Variants in ASB18 observed in about 807,000 individuals in gnomAD.
The protein encoded by ASB18 is ankyrin repeat and SOCS box containing 18, also known as ankyrin repeat and SOCS box protein 18.
In ASB18, 33 loss-of-function variants were observed where a neutral mutation model predicts 33.4. The ratio of observed to expected loss-of-function variants is 0.99; its 90% CI spans 0.75 to 1.32. The LOEUF is 1.32. Ranked by LOEUF, ASB18 falls within the 40% of genes most tolerant of loss-of-function variation. The probability of loss-of-function intolerance (pLI) is 0.00; values close to 1 mark genes in which losing one functional copy is unlikely to be tolerated. For missense variants in ASB18, 694 were observed against 655.5 expected, an observed-to-expected ratio of 1.06 and a Z score of -0.64; for synonymous variants, 295 against 307.6, an observed-to-expected ratio of 0.96 and a Z score of 0.43.
intron 4 of ASB18, among the ~76,000 whole-genome samples, chr2:236,212,228 C>G (rs1264083247): frequency 6.6e-6 from 1 of 152,084 alleles, no homozygotes; most frequent in Non-Finnish European, 1.5e-5. Context: ...ACTGACTGAC[C>G]CCATTTCTGT....
Position 236,214,049 on chromosome 2 carries a change from G to A in ASB18, c.1101+313C>T, listed in dbSNP as rs1170229588. ...ATAAGTGCCTGGCGTCCGTCCCCAGGTGACTACTTTGAAAGGATGCATTCT... is the reference window on the plus strand; with the variant it reads ...ATAAGTGCCTGGCGTCCGTCCCCAGATGACTACTTTGAAAGGATGCATTCT... On this transcript the variant is annotated intron_variant, in intron 4 of 5. Coordinates refer to ENST00000409749, the MANE Select transcript of ASB18 (RefSeq NM_212556.4). The surrounding 1 kb of genome is among the most constrained non-coding windows in gnomAD (Gnocchi z 6.5). 1 of 339,394 alleles carries A rather than the reference G, an allele frequency of 2.9e-6. No individual in the cohort carries two copies. The highest frequency in any genetic ancestry group is 5.3e-6 in the Non-Finnish European group (1 of 187,742). The allele number at this position is 339,394 out of a possible 1,614,324, so 21.0% of individuals were successfully genotyped here. A position where few individuals can be genotyped will look rare whatever the true frequency, so the allele number is the denominator to read the frequency against.
chr2:236,229,499 T>C lies in ASB18; in HGVS notation c.596+8190A>G, dbSNP rs2060555381. On this transcript the variant is annotated intron_variant, in intron 3 of 5. Transcript: ENST00000409749. The surrounding 1 kb of genome is among the most constrained non-coding windows in gnomAD (Gnocchi z 5.2). The stretch of plus-strand genomic sequence containing the variant: ...ATATTTCCAAATTGGATGAAAAGCA[T>C]ATAAACCCACAGATCCAAGATACTC... Among the ~76,000 whole-genome samples the C allele has an allele frequency of 6.6e-6, 1 of 152,004 alleles. No homozygotes were observed. The highest frequency in any genetic ancestry group is 2.1e-4 in the South Asian group (1 of 4,806).
Position 236,216,648 on chromosome 2 carries a change from A to G in ASB18, c.597-1782T>C, listed in dbSNP as rs1430853835. Among the ~76,000 whole-genome samples, 1 of 152,080 alleles carries G rather than the reference A, an allele frequency of 6.6e-6. No individual in the cohort carries two copies. The highest frequency in any genetic ancestry group is 1.5e-5 in the Non-Finnish European group (1 of 68,006). ...TGTCACTGTCCTTTGTTGAGGCCACATCGTTTCTCGGAATGCTTATAAGTC... is the reference window on the plus strand; with the variant it reads ...TGTCACTGTCCTTTGTTGAGGCCACGTCGTTTCTCGGAATGCTTATAAGTC... On this transcript the variant is annotated intron_variant, in intron 3 of 5. Transcript: ENST00000409749. This position sits in a 1 kb window ranked among gnomAD's most constrained non-coding sequence, Gnocchi z 6.1.
intron 1 of ASB18, among the ~76,000 whole-genome samples, chr2:236,242,564 C>A (rs1247843982): frequency 6.6e-6 from 1 of 152,188 alleles, no homozygotes; most frequent in Non-Finnish European, 1.5e-5. Context: ...AAGTGATTCT[C>A]CTACTTCAGC....
chr2:236,201,236 T>C lies in ASB18; in HGVS notation c.1102-4851A>G, dbSNP rs369870443. Among the ~76,000 whole-genome samples, 14 of 152,146 alleles carry C rather than the reference T, an allele frequency of 9.2e-5. No individual in the cohort carries two copies. The South Asian group carries it at 2.5e-3, about 27-fold the overall frequency. ...GTGTGATCATGGCTCACTACAGCCT[T>C]GACCTCCTGGACTGAAGCGAACCTC... On this transcript the variant is annotated intron_variant, in intron 4 of 5. Transcript: ENST00000409749.
rs1422355772 is a variant in ASB18, at chr2:236,256,538, CTG to C, written c.205+7601_205+7602del. Among the ~76,000 whole-genome samples, 1 of 152,208 alleles carries C rather than the reference CTG, an allele frequency of 6.6e-6. No homozygotes were observed. Among genetic ancestry groups the C allele is most frequent in the African/African-American group, 2.4e-5 (1 of 41,454 alleles). On this transcript the variant is annotated intron_variant, in intron 1 of 5. Transcript: ENST00000409749. The surrounding 1 kb of genome is among the most constrained non-coding windows in gnomAD (Gnocchi z 4.7). ...CAAGCAGAGCACTTGTGGCAGGAAA[CTG>C]TCGTCATCTCAGAAAGGTAGAAAAG... is the stretch of plus-strand genomic sequence containing the variant.
chr2:236,257,359 ACAG>A lies in ASB18; in HGVS notation c.205+6779_205+6781del, dbSNP rs1417894669. ...CTCTCTGGTGGAGTGAGCAGTCAAGACAGCAGAGCGCTTCTCCTCCTGCCTGCC... is the reference window on the plus strand; with the variant it reads ...CTCTCTGGTGGAGTGAGCAGTCAAGACAGAGCGCTTCTCCTCCTGCCTGCC... On this transcript the variant is annotated intron_variant, in intron 1 of 5. Transcript: ENST00000409749. The surrounding 1 kb of genome is among the most constrained non-coding windows in gnomAD (Gnocchi z 5.5). Among the ~76,000 whole-genome samples the A allele has an allele frequency of 6.6e-6, 1 of 152,194 alleles. No individual in the cohort carries two copies. The highest frequency in any genetic ancestry group is 1.9e-4 in the East Asian group (1 of 5,190).
chr2:236,241,982 A>AT lies in ASB18; in HGVS notation c.206-581dup, dbSNP rs987266299. 9.9e-5 allele frequency among the ~76,000 whole-genome samples: 15 copies of AT among 151,870 alleles called. No homozygotes were observed. The highest frequency in any genetic ancestry group is 1.7e-4 in the African/African-American group (7 of 41,446). ...TAGCAAATAAGTAATATCCTCTCAG[A>AT]TTTTTTTTTAAAGTACTATATTTGG... On this transcript the variant is annotated intron_variant, in intron 1 of 5. Transcript: ENST00000409749. This position sits in a 1 kb window ranked among gnomAD's most constrained non-coding sequence, Gnocchi z 4.2.
chr2:236,199,294 C>T (rs1303524107), intron 4 of ASB18, among the ~76,000 whole-genome samples: 1 of 151,850 alleles, frequency 6.6e-6, no homozygotes, highest in Non-Finnish European at 1.5e-5. Context: ...CGCGTGTAAT[C>T]CCAGCTACTT....
At position 236,239,996 on chromosome 2, in the gene ASB18, G is replaced by A. The variant is rs369323596; in HGVS notation, c.328+1284C>T. Among the ~76,000 whole-genome samples, 11 of 152,324 alleles carry A rather than the reference G, an allele frequency of 7.2e-5. No homozygotes were observed. The highest frequency in any genetic ancestry group is 3.9e-4 in the East Asian group (2 of 5,184). ...CAGCCCACATCCCTTTGCTGTGGGC[G>A]TGCTCCAGTATCCTGTCGTCCAGGT... On this transcript the variant is annotated intron_variant, in intron 2 of 5. Transcript: ENST00000409749. This position sits in a 1 kb window ranked among gnomAD's most constrained non-coding sequence, Gnocchi z 5.6.
At chr2:236,247,461 G>A (rs1287512681) in intron 1 of ASB18, 1 of 152,196 alleles carries the variant, frequency 6.6e-6, no homozygotes, top group African/African-American at 2.4e-5. Context: ...GACTCCAGAA[G>A]ACAGAAGTTC....
Position 236,239,457 on chromosome 2 carries a change from C to T in ASB18, c.329-1501G>A, listed in dbSNP as rs971098035. Among the ~76,000 whole-genome samples the T allele has an allele frequency of 2.7e-5, 4 of 150,914 alleles. No individual in the cohort carries two copies. Among genetic ancestry groups the T allele is most frequent in the African/African-American group, 9.7e-5 (4 of 41,146 alleles). On this transcript the variant is annotated intron_variant, in intron 2 of 5. Transcript: ENST00000409749. The surrounding 1 kb of genome is among the most constrained non-coding windows in gnomAD (Gnocchi z 5.6). ...GTCTGAATCAGCTTTCTGTAACTCC[C>T]GCCCTCTGGTCCCAGTTCTGCCACC... is the stretch of plus-strand genomic sequence containing the variant.
In ASB18 at chr2:236,255,301, G is replaced by C. The variant is rs1482228674; in HGVS notation, c.205+8840C>G. On this transcript the variant is annotated intron_variant, in intron 1 of 5. Transcript: ENST00000409749. The surrounding 1 kb of genome is among the most constrained non-coding windows in gnomAD (Gnocchi z 4.4). ...TGAAATTACAGGCGCCCACCACGAC[G>C]CCCAGCTAATTTATATATTTTTTGT... 2.6e-5 allele frequency among the ~76,000 whole-genome samples: 4 copies of C among 151,884 alleles called. No individual in the cohort carries two copies. Among genetic ancestry groups the C allele is most frequent in the African/African-American group, 9.7e-5 (4 of 41,342 alleles).
rs2060608556 is a variant in ASB18, at chr2:236,238,803, G to T, written c.329-847C>A. Among the ~76,000 whole-genome samples, 1 of 152,192 alleles carries T rather than the reference G, an allele frequency of 6.6e-6. No homozygotes were observed. Among genetic ancestry groups the T allele is most frequent in the Non-Finnish European group, 1.5e-5 (1 of 68,026 alleles). On this transcript the variant is annotated intron_variant, in intron 2 of 5. Transcript: ENST00000409749. The surrounding 1 kb of genome is among the most constrained non-coding windows in gnomAD (Gnocchi z 5.2). Reference sequence around the variant, plus strand: ...ACATCAAGGGGCAGGATTTCACATGGCAGGAAGGCCTTCTGATAATGATGG... The same window carrying T: ...ACATCAAGGGGCAGGATTTCACATGTCAGGAAGGCCTTCTGATAATGATGG...
In ASB18 at chr2:236,203,673, C is replaced by T. The variant is rs1444820505; in HGVS notation, c.1102-7288G>A. ...TTGAGTCTAGGAGTTTGAGACTAGC[C>T]TGGGCAACATGGAGAAACCCTGTTT... On this transcript the variant is annotated intron_variant, in intron 4 of 5. Coordinates refer to ENST00000409749, the MANE Select transcript of ASB18 (RefSeq NM_212556.4). The surrounding 1 kb of genome is among the most constrained non-coding windows in gnomAD (Gnocchi z 6.0). Among the ~76,000 whole-genome samples the T allele has an allele frequency of 6.6e-6, 1 of 152,076 alleles. No individual in the cohort carries two copies. The highest frequency in any genetic ancestry group is 1.5e-5 in the Non-Finnish European group (1 of 68,020).
rs1321203466 is a variant in ASB18 at position 236,205,936 on chromosome 2, T to G, written c.1101+8426A>C. Among the ~76,000 whole-genome samples, 2 of 152,206 alleles carry G rather than the reference T, an allele frequency of 1.3e-5. No homozygotes were observed. Among genetic ancestry groups the G allele is most frequent in the Non-Finnish European group, 2.9e-5 (2 of 68,028 alleles). ...TTTCTGCTTAAATACTTTGCCAGAT[T>G]TTTCCATGTCTTTTTAGAACATTTT... is the stretch of plus-strand genomic sequence containing the variant. On this transcript the variant is annotated intron_variant, in intron 4 of 5. Transcript: ENST00000409749. This position sits in a 1 kb window ranked among gnomAD's most constrained non-coding sequence, Gnocchi z 5.4.
rs769995262 is a variant in ASB18, at chr2:236,241,059, G to A, written c.328+221C>T. On this transcript the variant is annotated intron_variant, in intron 2 of 5. Coordinates refer to ENST00000409749, the MANE Select transcript of ASB18 (RefSeq NM_212556.4). The surrounding 1 kb of genome is among the most constrained non-coding windows in gnomAD (Gnocchi z 4.2). ...AGGCACACCCAGCGTCATCGGATAGGCATTCCCACCAATCGCTGCTTTGCC... is the reference window on the plus strand; with the variant it reads ...AGGCACACCCAGCGTCATCGGATAGACATTCCCACCAATCGCTGCTTTGCC... 3.3e-5 allele frequency among the ~76,000 whole-genome samples: 5 copies of A among 152,186 alleles called. No homozygotes were observed. Among genetic ancestry groups the A allele is most frequent in the Non-Finnish European group, 7.3e-5 (5 of 68,050 alleles).
rs906290709 is a variant in ASB18, at chr2:236,211,955, G to A, written c.1101+2407C>T. ...AAGATTTAATGCAGGCCATGAGCCT[G>A]CAGTGGCTGGAATCCCTTTCATTCA... On this transcript the variant is annotated intron_variant, in intron 4 of 5. Transcript: ENST00000409749. This position sits in a 1 kb window ranked among gnomAD's most constrained non-coding sequence, Gnocchi z 5.0. Among the ~76,000 whole-genome samples the A allele has an allele frequency of 3.3e-5, 5 of 152,202 alleles. No individual in the cohort carries two copies. Among genetic ancestry groups the A allele is most frequent in the African/African-American group, 1.2e-4 (5 of 41,448 alleles).
chr2:236,254,611 A>G (rs1574672184), intron 1 of ASB18, among the ~76,000 whole-genome samples: 2 of 151,860 alleles, frequency 1.3e-5, no homozygotes, highest in African/African-American at 2.4e-5. Flanking sequence ...ATTTTGTCCC[A>G]CAGATCCTGT....
Sources: gnomAD v4.1 joint callset for allele counts (sites outside exome capture counted in the v4.1 genomes callset) on GRCh38, gnomAD v4.1.1 for gene constraint, Gnocchi (gnomAD v3.1) non-coding constraint, MANE v1.5 for transcripts, NCBI Gene and HGNC (gene_info 2026-07-23, HGNC 2026-07-21) for gene names.